The following WDR75 variants were observed in gnomAD, a reference collection of about 807,000 sequenced individuals.
The protein encoded by WDR75 is WD repeat domain 75, also known as WD repeat-containing protein 75.
A neutral mutation model predicts 106.1 loss-of-function variants in WDR75; 52 were observed. The observed-to-expected ratio is 0.49, with a 90% confidence interval of 0.39 to 0.62. The LOEUF (loss-of-function observed/expected upper bound fraction) is 0.62, where lower values mean the gene tolerates loss of function less well. Among genes scored for constraint, WDR75 ranks in the 20% least tolerant of loss-of-function variants. WDR75 has a pLI of 0.00. For synonymous variants in WDR75, 333 were observed against 335.5 expected (o/e 0.99, Z 0.08); for missense variants, 905 against 970.3 (o/e 0.93, Z 0.89).
intron 4 of WDR75, among the ~76,000 whole-genome samples, chr2:189,452,323 G>A (rs955278128): frequency 3.9e-5 from 6 of 152,148 alleles, no homozygotes; most frequent in African/African-American, 1.4e-4. Flanking sequence ...ACTATGGGAG[G>A]CCGAGGTGGG....
chr2:189,468,497 A>T lies in WDR75; in HGVS notation c.1651A>T (p.Thr551Ser). 6.2e-7 allele frequency: 1 copy of T among 1,613,334 alleles called. No individual in the cohort carries two copies. The highest frequency in any genetic ancestry group is 8.5e-7 in the Non-Finnish European group (1 of 1,179,470). ...TAGGCACCTTTGCTTTGGGAGATTG[A>T]CGTGTTCAAAGTATCTACTTGGTGC... is the stretch of plus-strand genomic sequence containing the variant. The part of the protein sequence containing the change: ...KIRHLCFGRL[T>S]CSKYLLGATE... Residue 551 changes from threonine (T) to serine (S), a missense_variant, in exon 15 of 21, where the codon ACG (threonine) becomes TCG (serine). By Grantham distance (58) the Thr-to-Ser change is moderately conservative (BLOSUM62 1). Coordinates refer to ENST00000314761, the MANE Select transcript of WDR75 (RefSeq NM_032168.3).
intron 2 of WDR75, 45 bp downstream of exon 2, chr2:189,448,553 C>A: frequency 1.3e-6 from 2 of 1,582,298 alleles, no homozygotes; most frequent in Admixed American, 1.9e-5. Context: ...TGGCTTTGTT[C>A]TTGACAGAAA....
chr2:189,467,511 C>T lies in WDR75; in HGVS notation c.1491C>T (p.His497=), dbSNP rs754785406. The change falls in exon 14 of 21, where the codon CAC becomes CAT. Residue 497 remains histidine, a synonymous_variant. Coordinates refer to ENST00000314761, the MANE Select transcript of WDR75 (RefSeq NM_032168.3). ...GWTCDFVGSY[H]KYQATNCCFS... Reference sequence around the variant, plus strand: ...CCTGTGACTTTGTTGGTAGTTATCACAAGTATCAAGCAACTAACTGTTGTT... The same window carrying T: ...CCTGTGACTTTGTTGGTAGTTATCATAAGTATCAAGCAACTAACTGTTGTT... 2 of 1,605,632 alleles carry T rather than the reference C, an allele frequency of 1.2e-6. No individual in the cohort carries two copies. Among genetic ancestry groups the T allele is most frequent in the Non-Finnish European group, 1.7e-6 (2 of 1,176,312 alleles).
rs1350759445 is a variant in WDR75, at chr2:189,475,153, A to G, written c.2289-60A>G. The G allele has an allele frequency of 4.6e-6, 6 of 1,298,366 alleles. No individual in the cohort carries two copies. In the East Asian group the frequency reaches 1.2e-4, roughly 26 times the overall value. The allele number at this position is 1,298,366 out of a possible 1,614,324, so 80.4% of individuals were successfully genotyped here. A position where few individuals can be genotyped will look rare whatever the true frequency, so the allele number is the denominator to read the frequency against. On this transcript the variant is annotated intron_variant, in intron 20 of 20. Transcript: ENST00000314761. ...TATATTTCTACATAGGTGTCAAATT[A>G]GAAAGTTACTGTTTAGAAACATTTA... is the stretch of plus-strand genomic sequence containing the variant.
At chr2:189,474,950 T>C in intron 20 of WDR75, 142 bp downstream of exon 20, 2 of 784,576 alleles carry the variant, frequency 2.5e-6, no homozygotes, top group Non-Finnish European at 4.1e-6. Context: ...TATAGGATTA[T>C]TAAGTCAAGT....
chr2:189,470,728 T>G (rs931368835), intron 17 of WDR75, 91 bp from the exon 18 acceptor site: 6 of 860,608 alleles, frequency 7.0e-6, no homozygotes, highest in African/African-American at 1.8e-5. Context: ...AGTGAAAAAT[T>G]TGACCTTCTC....
intron 4 of WDR75, 99 bp downstream of exon 4, chr2:189,451,994 GT>G (rs1686632589): frequency 1.1e-6 from 1 of 896,030 alleles, no homozygotes; most frequent in Admixed American, 2.5e-5. Flanking sequence ...GAAGCCAACA[GT>G]TTTTAGAATG....
At chr2:189,470,015 C>CT in intron 16 of WDR75, 61 bp from the exon 17 acceptor site, 3 of 1,462,738 alleles carry the variant, frequency 2.1e-6, no homozygotes, top group Non-Finnish European at 2.8e-6. Flanking sequence ...ATCTGCCAGT[C>CT]TGAGGCTAGA....
At chr2:189,463,604 A>C in intron 9 of WDR75, 90 bp from the exon 10 acceptor site, 1 of 1,073,544 alleles carries the variant, frequency 9.3e-7, no homozygotes, top group South Asian at 1.4e-5. Context: ...AATTTGTGTT[A>C]GGCTGCATAA....
chr2:189,471,400 T>A (rs1311113977), intron 18 of WDR75, among the ~76,000 whole-genome samples: 2 of 152,202 alleles, frequency 1.3e-5, no homozygotes, highest in African/African-American at 2.4e-5. Context: ...TTAAATTGGT[T>A]AGTTCAGTAG....
At chr2:189,461,600 T>A (rs1040258036) in intron 8 of WDR75, among the ~76,000 whole-genome samples, 2 of 152,214 alleles carry the variant, frequency 1.3e-5, no homozygotes, top group Non-Finnish European at 2.9e-5. Flanking sequence ...TTGATTGTTA[T>A]ATATTTCTCT....
rs767515081 is a variant in WDR75 at position 189,468,558 on chromosome 2, T to C, written c.1712T>C (p.Leu571Pro). 1 of 1,613,216 alleles carries C rather than the reference T, an allele frequency of 6.2e-7. No individual in the cohort carries two copies. Among genetic ancestry groups the C allele is most frequent in the Non-Finnish European group, 8.5e-7 (1 of 1,179,342 alleles). The change falls in exon 15 of 21, where the codon CTG (leucine) becomes CCG (proline). Residue 571 changes from leucine (L) to proline (P), a missense_variant. Leu to Pro is a moderately conservative substitution (Grantham distance 98). Transcript: ENST00000314761. ...GGCATTCTTTGCTGTTGGAATCTGC[T>C]GAGCTGTGCATGTAAGATATTTTTT... ...ENGILCCWNL[L>P]SCALEWNAKL...
rs953189923 is a variant in WDR75, at chr2:189,449,258, G to T, written c.216+750G>T. ...TTCCTGGATTAGTCACAGCCAACTT[G>T]GAAGTTATTGATTAAGGATGGATTT... On this transcript the variant is annotated intron_variant, in intron 2 of 20. Transcript: ENST00000314761. The T allele has an allele frequency of 6.9e-6, 9 of 1,303,240 alleles. No homozygotes were observed. In the African/African-American group the frequency reaches 9.1e-5, roughly 13 times the overall value. The allele number at this position is 1,303,240 out of a possible 1,614,324, so 80.7% of individuals were successfully genotyped here. A position where few individuals can be genotyped will look rare whatever the true frequency, so the allele number is the denominator to read the frequency against.
intron 13 of WDR75, 131 bp downstream of exon 13, chr2:189,466,713 T>A: frequency 1.1e-6 from 1 of 914,914 alleles, no homozygotes; most frequent in Admixed American, 3.3e-5. Flanking sequence ...TGCTTAATCT[T>A]AATAGATTTA....
Position 189,465,127 on chromosome 2 carries a change from A to G in WDR75, c.1162A>G (p.Ile388Val), listed in dbSNP as rs1686974890. Residue 388 changes from isoleucine to valine, a missense_variant, in exon 12 of 21, where the codon ATT becomes GTT. Transcript: ENST00000314761. ...EYINDYGLIQIELTKAAFGCF... is the reference protein window; with the variant it reads ...EYINDYGLIQVELTKAAFGCF... ...TATTAATGATTATGGTCTGATCCAA[A>G]TTGAACTAACAAAGGCTGCATTTGG... is the stretch of plus-strand genomic sequence containing the variant. 1 of 1,612,744 alleles carries G rather than the reference A, an allele frequency of 6.2e-7. No individual in the cohort carries two copies. The highest frequency in any genetic ancestry group is 8.5e-7 in the Non-Finnish European group (1 of 1,179,204).
rs139125987 is a variant in WDR75 at position 189,468,660 on chromosome 2, T to C, written c.1723+91T>C. 623 of 1,306,130 alleles carry C rather than the reference T, an allele frequency of 4.8e-4. 3 individuals carry two copies. The African/African-American group carries it at 7.9e-3, about 16-fold the overall frequency. The allele number at this position is 1,306,130 out of a possible 1,614,324, so 80.9% of individuals were successfully genotyped here. A position where few individuals can be genotyped will look rare whatever the true frequency, so the allele number is the denominator to read the frequency against. ...ATTTTAGGACTTAGGGATCATATCA[T>C]CAGGTCTGTACTTGGAATAGTCAGT... On this transcript the variant is annotated intron_variant, in intron 15 of 20. Coordinates refer to ENST00000314761, the MANE Select transcript of WDR75 (RefSeq NM_032168.3).
chr2:189,454,379 C>T (rs180848493), intron 4 of WDR75, among the ~76,000 whole-genome samples: 1 of 152,280 alleles, frequency 6.6e-6, no homozygotes, highest in Non-Finnish European at 1.5e-5. Context: ...GCAGGCCCAT[C>T]ATAGCATTTC....
Position 189,441,482 on chromosome 2 carries a change from A to T in WDR75, c.-11A>T. The T allele has an allele frequency of 6.4e-7, 1 of 1,557,556 alleles. No individual in the cohort carries two copies. On this transcript the variant is annotated 5_prime_UTR_variant, in exon 1 of 21. Coordinates refer to ENST00000314761, the MANE Select transcript of WDR75 (RefSeq NM_032168.3). ...GGGACCAGAGATTGGCCATTCCGCTACTGCGCAAAGATGGTGGAGGAGGAG... is the reference window on the plus strand; with the variant it reads ...GGGACCAGAGATTGGCCATTCCGCTTCTGCGCAAAGATGGTGGAGGAGGAG...
chr2:189,455,569 T>G lies in WDR75; in HGVS notation c.498+125T>G, dbSNP rs1686716447. The G allele has an allele frequency of 9.6e-6, 12 of 1,252,378 alleles. No individual in the cohort carries two copies. The South Asian group carries it at 1.6e-4, about 16-fold the overall frequency. The allele number at this position is 1,252,378 out of a possible 1,614,324, so 77.6% of individuals were successfully genotyped here. Reference sequence around the variant, plus strand: ...GAATTACTATATTTGTATTAGTAACTAAGAAGCCTCTTCATTGCTTTAGCA... The same window carrying G: ...GAATTACTATATTTGTATTAGTAACGAAGAAGCCTCTTCATTGCTTTAGCA... On this transcript the variant is annotated intron_variant, in intron 5 of 20. Coordinates refer to ENST00000314761, the MANE Select transcript of WDR75 (RefSeq NM_032168.3).
Sources: gnomAD v4.1 joint callset for allele counts (sites outside exome capture counted in the v4.1 genomes callset) on GRCh38, gnomAD v4.1.1 for gene constraint, MANE v1.5 for transcripts, NCBI Gene and HGNC (gene_info 2026-07-23, HGNC 2026-07-21) for gene names.